SLC7A9: variants seen among roughly 807,000 people sequenced by gnomAD.
SLC7A9 encodes solute carrier family 7 member 9.
In SLC7A9, 38 loss-of-function variants were observed where a neutral mutation model predicts 54.1. The observed-to-expected ratio is 0.70, with a 90% CI of 0.54 to 0.92. The LOEUF (loss-of-function observed/expected upper bound fraction) is 0.92. SLC7A9 is among the 40% of genes least tolerant of loss of function. The pLI, the probability that SLC7A9 is intolerant of heterozygous loss-of-function variation, is 0.00. For synonymous variants in SLC7A9, 264 were observed against 258.9 expected (o/e 1.02, Z -0.19); for missense variants, 537 against 636.1 (o/e 0.84, Z 1.68).
chr19:32,856,603 AATT>A (rs1968635558), intron 9 of SLC7A9, among the ~76,000 whole-genome samples: 1 of 151,694 alleles, frequency 6.6e-6, no homozygotes, highest in Admixed American at 6.6e-5. Flanking sequence ...ACATATATGC[AATT>A]ATTGTTGTTA....
intron 9 of SLC7A9, among the ~76,000 whole-genome samples, chr19:32,854,098 G>A (rs1407689462): frequency 2.7e-5 from 4 of 150,694 alleles, no homozygotes; most frequent in Middle Eastern, 3.4e-3. Flanking sequence ...CTGCAGCCTC[G>A]ACCTCCTGGG....
intron 11 of SLC7A9, among the ~76,000 whole-genome samples, chr19:32,834,327 A>ATT (rs1443666619): frequency 2.0e-5 from 3 of 152,092 alleles, no homozygotes; most frequent in East Asian, 3.8e-4. Flanking sequence ...AGGAAATGGC[A>ATT]TTTAAAGACC....
At chr19:32,860,400 A>T in intron 7 of SLC7A9, 1 of 1,369,584 alleles carries the variant, frequency 7.3e-7, no homozygotes, top group Non-Finnish European at 9.6e-7. Context: ...CTACTAAAAA[A>T]ATACAAAAAT....
intron 7 of SLC7A9, chr19:32,860,314 T>C: frequency 7.2e-7 from 1 of 1,388,190 alleles, no homozygotes; most frequent in South Asian, 1.5e-5. Flanking sequence ...CCCAGCACTT[T>C]GGGAGGCCGA....
At chr19:32,866,166 G>A (rs1203876476) in intron 2 of SLC7A9, among the ~76,000 whole-genome samples, 2 of 152,170 alleles carry the variant, frequency 1.3e-5, no homozygotes, top group Admixed American at 6.5e-5. Flanking sequence ...GGGATGAGGG[G>A]CTCCCAGCTG....
intron 11 of SLC7A9, among the ~76,000 whole-genome samples, chr19:32,840,852 T>C (rs991666996): frequency 1.3e-5 from 2 of 152,068 alleles, no homozygotes; most frequent in Non-Finnish European, 2.9e-5. Flanking sequence ...GGTGCTGGAG[T>C]CCAGTGGGGC....
At position 32,859,871 on chromosome 19, in the gene SLC7A9, GGTGGCAGT is replaced by G; in HGVS notation, c.835_842del (p.Thr279ArgfsTer14). On this transcript the variant is annotated frameshift_variant, in exon 8 of 13. Transcript: ENST00000023064. LOFTEE classifies it high-confidence loss of function. Reference sequence around the variant, plus strand: ...CCACCGCCTGGGACTGCAGGAGTTCGGTGGCAGTCATCACGGTGAAGTAGGACACGTTC... The same window carrying G: ...CCACCGCCTGGGACTGCAGGAGTTCGCATCACGGTGAAGTAGGACACGTTC... 2.5e-6 allele frequency: 4 copies of G among 1,614,136 alleles called. No individual in the cohort carries two copies. Among genetic ancestry groups the G allele is most frequent in the Non-Finnish European group, 3.4e-6 (4 of 1,179,986 alleles).
intron 3 of SLC7A9, 84 bp from the exon 4 acceptor site, chr19:32,864,422 C>A: frequency 6.3e-7 from 1 of 1,586,976 alleles, no homozygotes; most frequent in Non-Finnish European, 8.6e-7. Flanking sequence ...CCGGAGGCTG[C>A]GCTCGTATGG....
chr19:32,851,501 C>T (rs1371451380), intron 9 of SLC7A9, among the ~76,000 whole-genome samples: 4 of 149,722 alleles, frequency 2.7e-5, no homozygotes, highest in Non-Finnish European at 4.5e-5. Context: ...GAATGGCGAT[C>T]ATTAAAAAGT....
chr19:32,854,985 A>G (rs1968576788), intron 9 of SLC7A9, among the ~76,000 whole-genome samples: 2 of 152,336 alleles, frequency 1.3e-5, no homozygotes. Flanking sequence ...TCCACATGTC[A>G]GGTGTCTGCA....
chr19:32,849,046 G>A (rs1968384990), intron 9 of SLC7A9, among the ~76,000 whole-genome samples: 1 of 151,758 alleles, frequency 6.6e-6, no homozygotes, highest in African/African-American at 2.4e-5. Flanking sequence ...TGTGTAGAGG[G>A]AAATTTATAG....
intron 11 of SLC7A9, among the ~76,000 whole-genome samples, chr19:32,841,785 T>C: frequency 6.6e-6 from 1 of 152,090 alleles, no homozygotes; most frequent in Non-Finnish European, 1.5e-5. Context: ...CAGATGTCTG[T>C]AATCCCAGCA....
At chr19:32,864,496 A>C in intron 3 of SLC7A9, 133 bp downstream of exon 3, 1 of 1,516,008 alleles carries the variant, frequency 6.6e-7, no homozygotes, top group Non-Finnish European at 9.0e-7. Flanking sequence ...CATTCAGTCC[A>C]GCCTGATTTA....
chr19:32,862,288 A>C, intron 5 of SLC7A9, 71 bp from the exon 6 acceptor site: 1 of 1,445,044 alleles, frequency 6.9e-7, no homozygotes, highest in Admixed American at 1.7e-5. Flanking sequence ...CACGGGAAAG[A>C]TGGGCATGAT....
At chr19:32,853,581 T>A (rs1968530348) in intron 9 of SLC7A9, among the ~76,000 whole-genome samples, 1 of 151,720 alleles carries the variant, frequency 6.6e-6, no homozygotes, top group Admixed American at 6.6e-5. Flanking sequence ...ACAAAAGATG[T>A]GCAAGAACTA....
At chr19:32,838,663 C>A (rs1968036018) in intron 11 of SLC7A9, among the ~76,000 whole-genome samples, 1 of 147,006 alleles carries the variant, frequency 6.8e-6, no homozygotes, top group African/African-American at 2.5e-5. Context: ...TTATATAATA[C>A]CCTTAGTCCC....
In SLC7A9 at chr19:32,842,268, A is replaced by G; in HGVS notation, c.1124T>C (p.Val375Ala). The change falls in exon 11 of 13, where the codon GTC becomes GCC. Residue 375 changes from valine (V) to alanine (A), a missense_variant. Coordinates refer to ENST00000023064, the MANE Select transcript of SLC7A9 (RefSeq NM_014270.5). ...CCATGCGGCAAAGCTGAAATAATTGACTAACGAGTTTATGTCACCAGGGAT... is the reference window on the plus strand; with the variant it reads ...CCATGCGGCAAAGCTGAAATAATTGGCTAACGAGTTTATGTCACCAGGGAT... Reference protein sequence around the residue: ...YIIPGDINSLVNYFSFAAWLF... With the variant: ...YIIPGDINSLANYFSFAAWLF... 6.2e-7 allele frequency: 1 copy of G among 1,614,000 alleles called. No individual in the cohort carries two copies. Among genetic ancestry groups the G allele is most frequent in the Non-Finnish European group, 8.5e-7 (1 of 1,179,854 alleles).
intron 2 of SLC7A9, among the ~76,000 whole-genome samples, chr19:32,867,092 C>T (rs948427785): frequency 2.6e-5 from 4 of 152,252 alleles, no homozygotes; most frequent in African/African-American, 9.6e-5. Flanking sequence ...CTCAGAGCAG[C>T]TGTCCCTGGT....
intron 6 of SLC7A9, 126 bp from the exon 7 acceptor site, chr19:32,860,776 T>C: frequency 7.4e-7 from 1 of 1,348,240 alleles, no homozygotes; most frequent in Non-Finnish European, 1.0e-6. Context: ...CTGCAGGAAT[T>C]CCAGGTGAAT....
Sources: gnomAD v4.1 joint callset for allele counts (sites outside exome capture counted in the v4.1 genomes callset) on GRCh38, gnomAD v4.1.1 for gene constraint, MANE v1.5 for transcripts, NCBI Gene and HGNC (gene_info 2026-07-23, HGNC 2026-07-21) for gene names.